The following RHOBTB2 variants were observed in gnomAD, a reference collection of about 807,000 sequenced individuals.
RHOBTB2 encodes Rho related BTB domain containing 2.
Under a neutral mutation model 66.5 loss-of-function variants are expected in RHOBTB2, and 39 were observed. The ratio of observed to expected loss-of-function variants is 0.59; its 90% CI spans 0.45 to 0.77. The LOEUF is 0.77. Among genes scored for constraint, RHOBTB2 ranks in the 30% least tolerant of loss-of-function variants. The probability of loss-of-function intolerance (pLI) is 0.00; values close to 1 mark genes in which losing one functional copy is unlikely to be tolerated. For missense variants in RHOBTB2, 755 were observed against 999.1 expected (o/e 0.76, Z 3.29); for synonymous variants, 390 against 395.0 (o/e 0.99, Z 0.15).
upstream of RHOBTB2, among the ~76,000 whole-genome samples, chr8:22,996,557 G>GTGTGTGTGTGTC (rs1382273354): frequency 8.5e-6 from 1 of 117,472 alleles, no homozygotes; most frequent in African/African-American, 3.6e-5. Flanking sequence ...GTGTGTGTGT[G>GTGTGTGTGTGTC]TGTGTGTGTG....
At chr8:22,959,369 C>T in the RHOBTB2 span, among the ~76,000 whole-genome samples, 1 of 152,290 alleles carries the variant, frequency 6.6e-6, no homozygotes, top group Admixed American at 6.5e-5. Context: ...GCCTCGGGCT[C>T]CCGAGTAGCT....
At chr8:22,986,550 C>T (rs934925045), upstream of RHOBTB2, among the ~76,000 whole-genome samples, 14 of 152,150 alleles carry the variant, frequency 9.2e-5, no homozygotes, top group African/African-American at 3.1e-4. Flanking sequence ...TGAGCCACCA[C>T]GCCTGGCCCC....
At chr8:22,977,942 G>A in the RHOBTB2 span, 7 of 152,088 alleles carry the variant, frequency 4.6e-5, no homozygotes, top group Non-Finnish European at 8.8e-5. Context: ...AGGATTGCTT[G>A]AGCCCAAGAG....
chr8:22,972,976 G>A, the RHOBTB2 span, among the ~76,000 whole-genome samples: 3 of 152,122 alleles, frequency 2.0e-5, no homozygotes, highest in East Asian at 3.9e-4. Flanking sequence ...AGGCCCCTGC[G>A]CCTTTGCACA....
upstream of RHOBTB2, among the ~76,000 whole-genome samples, chr8:22,986,136 G>A (rs1355452287): frequency 7.6e-6 from 1 of 131,194 alleles, no homozygotes; most frequent in East Asian, 2.1e-4. Flanking sequence ...CAAGGACGGT[G>A]GACTTCTCTC....
intron 2 of RHOBTB2, chr8:22,992,276 T>C (rs1043634850): frequency 2.0e-5 from 3 of 152,134 alleles, no homozygotes; most frequent in African/African-American, 7.2e-5. Context: ...TGGGGAACAG[T>C]TGGGGCTTTT....
the RHOBTB2 span, among the ~76,000 whole-genome samples, chr8:22,951,517 T>C: frequency 4.6e-5 from 7 of 152,224 alleles, no homozygotes; most frequent in Admixed American, 2.0e-4. Context: ...TTAGTTCTTA[T>C]AGGTTTTGGG....
Position 23,000,976 on chromosome 8 carries a change from A to G in RHOBTB2, c.-11+871A>G, listed in dbSNP as rs565910225. Among the ~76,000 whole-genome samples the G allele has an allele frequency of 1.0e-4, 13 of 130,288 alleles. No homozygotes were observed. The East Asian group carries it at 2.8e-3, about 28-fold the overall frequency. 85.5% of individuals were successfully genotyped at this position (130,288 alleles called of 152,430 possible). A position where few individuals can be genotyped will look rare whatever the true frequency, so the allele number is the denominator to read the frequency against. On this transcript the variant is annotated intron_variant, in intron 1 of 9. Coordinates refer to ENST00000251822, the MANE Select transcript of RHOBTB2 (RefSeq NM_015178.3). ...GTGGGAGGGAAAGGGGCCCTTTCTG[A>G]GCTCTGCAAAGAGTGTGTGTAGGGG...
chr8:23,014,214 A>G (rs1175537309), intron 7 of RHOBTB2, among the ~76,000 whole-genome samples: 2 of 152,234 alleles, frequency 1.3e-5, no homozygotes, highest in African/African-American at 2.4e-5. Context: ...TTACTTCTTC[A>G]ATATAAGTGT....
At chr8:22,957,975 G>C in the RHOBTB2 span, among the ~76,000 whole-genome samples, 1 of 152,218 alleles carries the variant, frequency 6.6e-6, no homozygotes, top group East Asian at 1.9e-4. Flanking sequence ...AACGGGTCCT[G>C]TGAAGTATTT....
At chr8:22,995,778 C>G (rs1440137262), upstream of RHOBTB2, 36 of 1,439,562 alleles carry the variant, frequency 2.5e-5, no homozygotes, top group Non-Finnish European at 3.4e-5. Flanking sequence ...CGTGCCCCAG[C>G]CTGCACATGG....
At chr8:23,014,966 C>T (rs1000960415) in intron 8 of RHOBTB2, among the ~76,000 whole-genome samples, 188 bp downstream of exon 8, 9 of 152,074 alleles carry the variant, frequency 5.9e-5, no homozygotes, top group Admixed American at 5.9e-4. Context: ...CCTGGTGTAC[C>T]CGGAGGGGAG....
chr8:23,008,098 GCTC>G lies in RHOBTB2; in HGVS notation c.1609_1611del (p.Ser537del). On this transcript the variant is annotated inframe_deletion, in exon 6 of 10. Transcript: ENST00000251822. ...ATGTTTGGGGGGCCATTTGTGGAGA[GCTC>G]CACCCGGGAGGTAAGGCTGAGGACA... 1.9e-6 allele frequency: 3 copies of G among 1,610,978 alleles called. No individual in the cohort carries two copies. The highest frequency in any genetic ancestry group is 2.5e-6 in the Non-Finnish European group (3 of 1,178,542).
At chr8:22,965,180 A>G in the RHOBTB2 span, among the ~76,000 whole-genome samples, 5 of 152,170 alleles carry the variant, frequency 3.3e-5, no homozygotes, top group African/African-American at 9.7e-5. Flanking sequence ...TGTCTTTTGT[A>G]TCTTGGAAAT....
upstream of RHOBTB2, among the ~76,000 whole-genome samples, chr8:22,997,563 G>A (rs1810610050): frequency 6.6e-6 from 1 of 152,216 alleles, no homozygotes; most frequent in African/African-American, 2.4e-5. Flanking sequence ...GCCTGGTTGA[G>A]GCTTCCAGGC....
At chr8:22,988,305 G>C (rs1470625866) in intron 1 of RHOBTB2, among the ~76,000 whole-genome samples, 2 of 151,844 alleles carry the variant, frequency 1.3e-5, no homozygotes, top group African/African-American at 2.4e-5. Flanking sequence ...GATTACAGGG[G>C]CCTGCCACCA....
chr8:22,962,047 A>C, the RHOBTB2 span, among the ~76,000 whole-genome samples: 1 of 151,916 alleles, frequency 6.6e-6, no homozygotes, highest in Non-Finnish European at 1.5e-5. Flanking sequence ...TGTACTCCCA[A>C]CTACTCAGGA....
chr8:23,009,255 T>C (rs1179852161), intron 6 of RHOBTB2, among the ~76,000 whole-genome samples: 1 of 152,132 alleles, frequency 6.6e-6, no homozygotes, highest in Non-Finnish European at 1.5e-5. Flanking sequence ...CCTGCCTCTC[T>C]AATCAGTGAC....
rs769134074 is a variant in RHOBTB2 at position 23,014,706 on chromosome 8, C to T, written c.1788C>T (p.Thr596=). 10 of 1,613,882 alleles carry T rather than the reference C, an allele frequency of 6.2e-6. No individual in the cohort carries two copies. The highest frequency in any genetic ancestry group is 1.6e-4 in the Middle Eastern group (1 of 6,084). ...GTGTTACAGAGCAGTACACAGTGACCGGGCTGATGGAAGCGACCCAGATGA... is the reference window on the plus strand; with the variant it reads ...GTGTTACAGAGCAGTACACAGTGACTGGGCTGATGGAAGCGACCCAGATGA... ...LVALTEQYTV[T]GLMEATQMMV... is the part of the protein sequence containing the mutation. Residue 596 remains threonine (T), a synonymous_variant, in exon 8 of 10, where the codon ACC becomes ACT. Transcript: ENST00000251822.
Sources: allele counts gnomAD v4.1 joint callset (sites outside exome capture counted in the v4.1 genomes callset), GRCh38; gene constraint gnomAD v4.1.1; transcripts MANE v1.5; gene names NCBI Gene and HGNC (gene_info 2026-07-23, HGNC 2026-07-21).